DGKB: variants seen among roughly 807,000 people sequenced by gnomAD.
DGKB encodes the protein 90 kDa diacylglycerol kinase.
DGKB carries 67 observed loss-of-function variants against 114.3 expected under a neutral mutation model. That is an observed-to-expected ratio of 0.59 (90% confidence interval 0.48 to 0.72). The LOEUF (loss-of-function observed/expected upper bound fraction) is 0.72, where lower values mean the gene tolerates loss of function less well. DGKB is among the 30% of genes least tolerant of loss of function. The pLI is 0.00. For synonymous variants in DGKB, 398 were observed against 323.1 expected (o/e 1.23, Z -2.49); for missense variants, 907 against 975.2 (o/e 0.93, Z 0.93).
chr7:14,861,180 T>G (rs541779542), intron 1 of DGKB, among the ~76,000 whole-genome samples: 1 of 152,014 alleles, frequency 6.6e-6, no homozygotes, highest in African/African-American at 2.4e-5. Flanking sequence ...TAATTCATAC[T>G]GTTTGAGTAT....
At chr7:14,418,384 T>TTTAC (rs1487250067) in intron 21 of DGKB, among the ~76,000 whole-genome samples, 1 of 144,630 alleles carries the variant, frequency 6.9e-6, no homozygotes, top group African/African-American at 2.6e-5. Context: ...TATATATATA[T>TTTAC]ATATATATAC....
rs530724593 is a variant in DGKB, at chr7:14,357,209, C to T, written c.1836-11818G>A. ...TTGACAGTGGGGTGTTAATGTCTCC[C>T]ATTATTATTGTGTGGGAGTCTAAGT... On this transcript the variant is annotated intron_variant, in intron 21 of 25. Transcript: ENST00000402815. 1.6e-3 allele frequency among the ~76,000 whole-genome samples: 240 copies of T among 152,180 alleles called. 1 individual carries two copies. The highest frequency in any genetic ancestry group is 5.5e-3 in the African/African-American group (228 of 41,512).
chr7:14,440,882 T>C (rs893716087), intron 21 of DGKB, among the ~76,000 whole-genome samples: 1 of 151,884 alleles, frequency 6.6e-6, no homozygotes, highest in Non-Finnish European at 1.5e-5. Context: ...ATGCCAACAC[T>C]TGGTATGGTA....
At chr7:14,637,560 A>C (rs1015468341) in intron 13 of DGKB, among the ~76,000 whole-genome samples, 1 of 151,502 alleles carries the variant, frequency 6.6e-6, no homozygotes, top group Admixed American at 6.6e-5. Context: ...GTGTGTATAC[A>C]TGTATATACT....
intron 21 of DGKB, among the ~76,000 whole-genome samples, chr7:14,464,180 C>T (rs1204370441): frequency 1.3e-5 from 2 of 151,960 alleles, no homozygotes; most frequent in Non-Finnish European, 2.9e-5. Context: ...GAGTAGAAAA[C>T]AGGCTAAAGC....
At chr7:14,364,502 C>A (rs1234184385) in intron 21 of DGKB, among the ~76,000 whole-genome samples, 4 of 151,980 alleles carry the variant, frequency 2.6e-5, no homozygotes, top group African/African-American at 9.7e-5. Context: ...TCAATCGTCA[C>A]AATAGAGTAA....
At position 14,475,515 on chromosome 7, in the gene DGKB, G is replaced by A. The variant is rs1247767871; in HGVS notation, c.1835+2646C>T. Among the ~76,000 whole-genome samples the A allele has an allele frequency of 2.0e-5, 3 of 152,190 alleles. No individual in the cohort carries two copies. In the East Asian group the frequency reaches 5.8e-4, roughly 29 times the overall value. On this transcript the variant is annotated intron_variant, in intron 21 of 25. Coordinates refer to ENST00000402815, the MANE Select transcript of DGKB (RefSeq NM_001350709.2). ...ACGTGGTAATATATGGAATTCTGTG[G>A]CTGATCATTATCTTAAAAAATATTT...
At chr7:14,304,493 G>C (rs1050085135) in intron 23 of DGKB, among the ~76,000 whole-genome samples, 4 of 152,098 alleles carry the variant, frequency 2.6e-5, no homozygotes, top group Non-Finnish European at 5.9e-5. Context: ...GCCTCAGAAG[G>C]CTAGGTAATG....
chr7:14,459,697 C>T (rs561231492), intron 21 of DGKB, among the ~76,000 whole-genome samples: 18 of 152,300 alleles, frequency 1.2e-4, no homozygotes, highest in Admixed American at 8.5e-4. Context: ...AGAAGAACTT[C>T]ACCAACCTAG....
At chr7:14,685,212 G>C in intron 10 of DGKB, 33 bp downstream of exon 10, 1 of 1,398,750 alleles carries the variant, frequency 7.1e-7, no homozygotes, top group South Asian at 1.2e-5. Context: ...CTCACTTGAG[G>C]AGATGATGTC....
intron 23 of DGKB, among the ~76,000 whole-genome samples, chr7:14,260,127 C>T (rs1463131810): frequency 7.3e-6 from 1 of 136,226 alleles, no homozygotes; most frequent in Non-Finnish European, 1.6e-5. Flanking sequence ...CACACACACA[C>T]ACACACACAC....
intron 23 of DGKB, among the ~76,000 whole-genome samples, chr7:14,301,469 C>A (rs1221461892): frequency 6.6e-6 from 1 of 152,078 alleles, no homozygotes; most frequent in East Asian, 1.9e-4. Context: ...GAGACAACAG[C>A]AATACTGATC....
intron 23 of DGKB, among the ~76,000 whole-genome samples, chr7:14,326,353 A>G (rs984770020): frequency 6.6e-6 from 1 of 152,066 alleles, no homozygotes; most frequent in South Asian, 2.1e-4. Flanking sequence ...GAAGATTGAA[A>G]ACCAAAAAAA....
In DGKB at chr7:14,803,299, C is replaced by T. The variant is rs148826663; in HGVS notation, c.70+37895G>A. ...GATTTATTTTCCTCATCTATTATTA[C>T]ATTGGTCTGGGTCTCCAGATACAAG... On this transcript the variant is annotated intron_variant, in intron 2 of 25. Transcript: ENST00000402815. 7.8e-3 allele frequency among the ~76,000 whole-genome samples: 1,191 copies of T among 152,242 alleles called. 6 individuals carry two copies. The highest frequency in any genetic ancestry group is 0.013 in the Non-Finnish European group (863 of 68,010).
chr7:14,359,442 G>A (rs1031991646), intron 21 of DGKB, among the ~76,000 whole-genome samples: 1 of 152,142 alleles, frequency 6.6e-6, no homozygotes, highest in African/African-American at 2.4e-5. Flanking sequence ...CAAAGCAATG[G>A]CAACAAAAGC....
chr7:14,512,588 G>A (rs191545451), intron 20 of DGKB, among the ~76,000 whole-genome samples: 17 of 151,872 alleles, frequency 1.1e-4, no homozygotes, highest in South Asian at 2.1e-4. Context: ...TCCTATAGAC[G>A]TCTCAGGTTT....
At chr7:14,716,898 C>T (rs578001532) in intron 6 of DGKB, among the ~76,000 whole-genome samples, 5 of 151,484 alleles carry the variant, frequency 3.3e-5, no homozygotes, top group African/African-American at 1.2e-4. Flanking sequence ...TAATTCTGGG[C>T]CATAACAAGA....
intron 23 of DGKB, among the ~76,000 whole-genome samples, chr7:14,241,413 T>C (rs1256731262): frequency 6.6e-6 from 1 of 151,964 alleles, no homozygotes; most frequent in Non-Finnish European, 1.5e-5. Context: ...TATACTATAA[T>C]TAAATATATA....
chr7:14,276,409 G>A (rs1360270269), intron 23 of DGKB, among the ~76,000 whole-genome samples: 1 of 152,062 alleles, frequency 6.6e-6, no homozygotes, highest in Non-Finnish European at 1.5e-5. Context: ...ATCAATTACA[G>A]TATGTCTACA....
Sources: gnomAD v4.1 joint callset for allele counts (sites outside exome capture counted in the v4.1 genomes callset) on GRCh38, gnomAD v4.1.1 for gene constraint, MANE v1.5 for transcripts, NCBI Gene and HGNC (gene_info 2026-07-23, HGNC 2026-07-21) for gene names.